EPRS1: variants seen among roughly 807,000 people sequenced by gnomAD.
EPRS1 encodes bifunctional glutamate/proline--tRNA ligase.
EPRS1 carries 107 observed loss-of-function variants against 188.3 expected under a neutral mutation model. That is an observed-to-expected ratio of 0.57 (90% CI 0.49 to 0.67). The LOEUF (loss-of-function observed/expected upper bound fraction) is 0.67. Among genes scored for constraint, EPRS1 ranks in the 30% least tolerant of loss-of-function variants. The pLI, the probability that EPRS1 is intolerant of heterozygous loss-of-function variation, is 0.00. For synonymous variants in EPRS1, 596 were observed against 593.1 expected, an observed-to-expected ratio of 1.00 and a Z score of -0.07; for missense variants, 1,577 against 1,802.2, an observed-to-expected ratio of 0.88 and a Z score of 2.26.
intron 3 of EPRS1, 54 bp downstream of exon 3, chr1:220,034,860 T>G: frequency 1.0e-6 from 1 of 988,684 alleles, no homozygotes; most frequent in East Asian, 2.4e-5. Context: ...GAGGTTCCCA[T>G]AAAAAAACAG....
At chr1:219,980,036 A>G (rs997185880) in intron 26 of EPRS1, 49 bp downstream of exon 26, 1 of 1,540,518 alleles carries the variant, frequency 6.5e-7, no homozygotes, top group Non-Finnish European at 8.9e-7. Context: ...GGATCTGTCC[A>G]TGGACTGTGC....
intron 25 of EPRS1, 51 bp downstream of exon 25, chr1:219,980,705 C>G (rs1257473357): frequency 1.5e-6 from 2 of 1,328,416 alleles, no homozygotes; most frequent in Admixed American, 3.8e-5. Context: ...AATTGCAGAA[C>G]CTGAACAAAA....
At chr1:220,040,324 C>G in intron 1 of EPRS1, 55 bp from the exon 2 acceptor site, 1 of 1,206,110 alleles carries the variant, frequency 8.3e-7, no homozygotes, top group East Asian at 2.3e-5. Flanking sequence ...GTATTTATAA[C>G]TTGAATCATA....
chr1:220,046,035 G>C (rs1235342082), intron 1 of EPRS1, among the ~76,000 whole-genome samples: 1 of 152,210 alleles, frequency 6.6e-6, no homozygotes, highest in African/African-American at 2.4e-5. Context: ...AAAAGGGAGA[G>C]GTGAGTTGAC....
intron 16 of EPRS1, 97 bp from the exon 17 acceptor site, chr1:220,001,352 T>A (rs1661347870): frequency 2.7e-6 from 2 of 746,154 alleles, no homozygotes; most frequent in Admixed American, 4.4e-5. Context: ...TGGCACTAAG[T>A]TAATGCTTTT....
chr1:220,010,425 T>C (rs971578717), intron 13 of EPRS1, among the ~76,000 whole-genome samples: 58 of 152,218 alleles, frequency 3.8e-4, no homozygotes, highest in African/African-American at 1.3e-3. Flanking sequence ...CTGTGTGATG[T>C]ACTATGGATT....
chr1:220,010,393 G>T (rs1247152114), intron 13 of EPRS1, among the ~76,000 whole-genome samples: 2 of 152,096 alleles, frequency 1.3e-5, no homozygotes, highest in African/African-American at 4.8e-5. Flanking sequence ...TAAAAAATAA[G>T]CACCAACTGA....
At chr1:219,996,352 C>A (rs1454936198) in intron 18 of EPRS1, among the ~76,000 whole-genome samples, 1 of 152,212 alleles carries the variant, frequency 6.6e-6, no homozygotes, top group East Asian at 1.9e-4. Context: ...TTGAATACAC[C>A]TTGTACCTGC....
rs1216751295 is a variant in EPRS1, at chr1:220,006,312, T to C, written c.1744A>G (p.Asn582Asp). The change falls in exon 15 of 32, where the codon AAT becomes GAT. Residue 582 changes from asparagine to aspartate, a missense_variant and splice_region_variant. Coordinates refer to ENST00000366923, the MANE Select transcript of EPRS1 (RefSeq NM_004446.3). ...GNLNITKIHK[N>D]ADGKIISLDA... ...AGAGATATGATTTTTCCATCTGCAT[T>C]TCTAGATATAAGATTAAAAGTATTC... is the stretch of plus-strand genomic sequence containing the variant. 4.0e-6 allele frequency: 6 copies of C among 1,514,954 alleles called. No homozygotes were observed. In the East Asian group the frequency reaches 1.4e-4, roughly 36 times the overall value. The allele number at this position is 1,514,954 out of a possible 1,614,324, so 93.8% of individuals were successfully genotyped here. A position where few individuals can be genotyped will look rare whatever the true frequency, so the allele number is the denominator to read the frequency against.
intron 1 of EPRS1, among the ~76,000 whole-genome samples, chr1:220,042,617 A>C (rs1304371070): frequency 6.6e-6 from 1 of 151,864 alleles, no homozygotes; most frequent in Non-Finnish European, 1.5e-5. Flanking sequence ...AATTTTATCC[A>C]GCAAATAAAA....
chr1:219,979,985 T>C, intron 26 of EPRS1, 100 bp downstream of exon 26: 1 of 935,682 alleles, frequency 1.1e-6, no homozygotes, highest in Non-Finnish European at 1.5e-6. Flanking sequence ...GAAACACTTA[T>C]TTTTTAAGAG....
At chr1:220,011,737 C>T (rs1203913616) in intron 12 of EPRS1, among the ~76,000 whole-genome samples, 6 of 152,188 alleles carry the variant, frequency 3.9e-5, no homozygotes, top group African/African-American at 1.4e-4. Flanking sequence ...ATGCTCTAAC[C>T]TATTCTACTT....
At position 219,968,713 on chromosome 1, in the gene EPRS1, T is replaced by C; in HGVS notation, c.*93A>G. 7.7e-7 allele frequency: 1 copy of C among 1,294,174 alleles called. No individual in the cohort carries two copies. The highest frequency in any genetic ancestry group is 1.1e-6 in the Non-Finnish European group (1 of 924,562). 80.2% of individuals were successfully genotyped at this position (1,294,174 alleles called of 1,614,324 possible). On this transcript the variant is annotated 3_prime_UTR_variant, in exon 32 of 32. Coordinates refer to ENST00000366923, the MANE Select transcript of EPRS1 (RefSeq NM_004446.3). ...ACTTCATTTTAGAACTTTTACTTTTTAAAAAATCATAAAACGGTCTGTATC... is the reference window on the plus strand; with the variant it reads ...ACTTCATTTTAGAACTTTTACTTTTCAAAAAATCATAAAACGGTCTGTATC...
intron 3 of EPRS1, among the ~76,000 whole-genome samples, chr1:220,034,315 T>G (rs1288905740): frequency 6.6e-6 from 1 of 152,202 alleles, no homozygotes; most frequent in East Asian, 1.9e-4. Context: ...CTAGAAGGAA[T>G]AGGCTACACT....
intron 21 of EPRS1, 67 bp downstream of exon 21, chr1:219,984,139 G>T: frequency 9.2e-7 from 1 of 1,090,612 alleles, no homozygotes; most frequent in Non-Finnish European, 1.4e-6. Context: ...CCATATTTTA[G>T]AATCTGAACA....
chr1:220,035,624 T>C (rs1391418640), intron 2 of EPRS1, among the ~76,000 whole-genome samples: 48 of 141,372 alleles, frequency 3.4e-4, no homozygotes, highest in East Asian at 2.9e-3. Flanking sequence ...AGGTCAGGAG[T>C]TTGAGACCAG....
chr1:220,025,942 G>A (rs1661963732), intron 6 of EPRS1, among the ~76,000 whole-genome samples: 2 of 151,924 alleles, frequency 1.3e-5, no homozygotes, highest in Admixed American at 1.3e-4. Context: ...CTACAGGCAC[G>A]CGCCACCATG....
rs779847613 is a variant in EPRS1, at chr1:220,032,411, A to G, written c.504T>C (p.Asp168=). ...CCACTCGAGCTTTGGTTGTTGAAAC[A>G]TCCCACTTGGTACCTACTGACTGGA... ...QAFQSVGTKW[D]VSTTKARVAP... Residue 168 remains aspartate (D), a synonymous_variant, in exon 5 of 32, where the codon GAT becomes GAC. Coordinates refer to ENST00000366923, the MANE Select transcript of EPRS1 (RefSeq NM_004446.3). 7 of 1,607,666 alleles carry G rather than the reference A, an allele frequency of 4.4e-6. No individual in the cohort carries two copies. The highest frequency in any genetic ancestry group is 3.4e-5 in the Admixed American group (2 of 58,334).
At chr1:220,039,542 A>G (rs1662253679) in intron 2 of EPRS1, among the ~76,000 whole-genome samples, 1 of 147,808 alleles carries the variant, frequency 6.8e-6, no homozygotes, top group Admixed American at 6.7e-5. Context: ...TTTTTGAGAC[A>G]GAGTCTAACT....
Sources: allele counts gnomAD v4.1 joint callset (sites outside exome capture counted in the v4.1 genomes callset), GRCh38; gene constraint gnomAD v4.1.1; transcripts MANE v1.5; gene names NCBI Gene and HGNC (gene_info 2026-07-23, HGNC 2026-07-21).